ASPM: variants seen among roughly 807,000 people sequenced by gnomAD.
ASPM encodes the protein assembly factor for spindle microtubules, also known as abnormal spindle-like microcephaly-associated protein.
ASPM carries 256 observed loss-of-function variants against 366.4 expected under a neutral mutation model. The ratio of observed to expected loss-of-function variants is 0.70; its 90% CI spans 0.63 to 0.77. ASPM has a LOEUF of 0.77. Ranked by LOEUF, ASPM falls within the 30% of genes least tolerant of loss-of-function variation. The pLI is 0.00. For synonymous variants in ASPM, 1,414 were observed against 1,342.9 expected (o/e 1.05, Z -1.16); for missense variants, 4,146 against 4,090.4 (o/e 1.01, Z -0.37).
intron 16 of ASPM, 88 bp from the exon 17 acceptor site, chr1:197,118,071 A>T: frequency 8.1e-7 from 1 of 1,227,354 alleles, no homozygotes; most frequent in Admixed American, 1.8e-5. Context: ...GTTAAACACC[A>T]ATCAAATTGA....
Position 197,121,625 on chromosome 1 carries a change from G to A in ASPM, c.3870+290C>T, listed in dbSNP as rs147988903. 4.7e-4 allele frequency among the ~76,000 whole-genome samples: 72 copies of A among 152,228 alleles called. No individual in the cohort carries two copies. The East Asian group carries it at 0.013, about 27-fold the overall frequency. On this transcript the variant is annotated intron_variant, in intron 16 of 27. Coordinates refer to ENST00000367409, the MANE Select transcript of ASPM (RefSeq NM_018136.5). ...GGAGGAAAGGAAGAGCTGAGTCAATGTGAGCTATGTATTCCTCACAAATTT... is the reference window on the plus strand; with the variant it reads ...GGAGGAAAGGAAGAGCTGAGTCAATATGAGCTATGTATTCCTCACAAATTT...
At position 197,104,145 on chromosome 1, in the gene ASPM, T is replaced by C. The variant is rs376820619; in HGVS notation, c.5106A>G (p.Arg1702=). The C allele has an allele frequency of 4.3e-6, 7 of 1,612,792 alleles. No homozygotes were observed. The highest frequency in any genetic ancestry group is 5.9e-6 in the Non-Finnish European group (7 of 1,179,374). The part of the protein sequence containing the change: ...KQTRKQYLHL[R]AAALFIQQCY... Reference sequence around the variant, plus strand: ...ATTGCTGGATAAATAGTGCAGCTGCTCTTAAATGCAAATATTGTTTACGTG... The same window carrying C: ...ATTGCTGGATAAATAGTGCAGCTGCCCTTAAATGCAAATATTGTTTACGTG... Residue 1702 remains arginine, a synonymous_variant, in exon 18 of 28, where the codon AGA becomes AGG. Coordinates refer to ENST00000367409, the MANE Select transcript of ASPM (RefSeq NM_018136.5).
At chr1:197,086,697 T>A in intron 27 of ASPM, 106 bp downstream of exon 27, 1 of 959,478 alleles carries the variant, frequency 1.0e-6, no homozygotes, top group Non-Finnish European at 1.7e-6. Flanking sequence ...ATATGTTGTT[T>A]CTCCACTGAA....
In ASPM at chr1:197,103,330, G is replaced by C. The variant is rs1204878021; in HGVS notation, c.5921C>G (p.Ala1974Gly). 1 of 1,613,094 alleles carries C rather than the reference G, an allele frequency of 6.2e-7. No homozygotes were observed. The highest frequency in any genetic ancestry group is 2.2e-5 in the East Asian group (1 of 44,840). ...RRQLQRQHKC[A>G]IIIQSYYRMH... The stretch of plus-strand genomic sequence containing the variant: ...TCTATAGTATGACTGTATGATGATA[G>C]CACATTTATGTTGCCTTTGAAGCTG... The change falls in exon 18 of 28, where the codon GCT (alanine) becomes GGT (glycine). Residue 1974 changes from alanine (A) to glycine (G), a missense_variant. By Grantham distance (60) the Ala-to-Gly change is moderately conservative. Around this residue, in one of 3 missense-constraint regions of ASPM, gnomAD observed 3,624 missense variants for 3,591.7 expected, o/e 1.01. Coordinates refer to ENST00000367409, the MANE Select transcript of ASPM (RefSeq NM_018136.5).
chr1:197,102,398 G>C lies in ASPM; in HGVS notation c.6853C>G (p.Leu2285Val), dbSNP rs543149352. The part of the protein sequence containing the change: ...TLMMRRRFLS[L>V]KKTAILIQRK... ...TGAATCAAAATAGCAGTTTTCTTGA[G>C]AGAGAGGAATCTTCTTCTCATCATT... The change falls in exon 18 of 28, where the codon CTC (leucine) becomes GTC (valine). Residue 2285 changes from leucine to valine, a missense_variant. Physicochemically the swap from Leu to Val is conservative, Grantham distance 32 (BLOSUM62 1). Coordinates refer to ENST00000367409, the MANE Select transcript of ASPM (RefSeq NM_018136.5). 1.2e-6 allele frequency: 2 copies of C among 1,612,678 alleles called. No homozygotes were observed. Among genetic ancestry groups the C allele is most frequent in the African/African-American group, 1.3e-5 (1 of 74,884 alleles).
rs116303796 is a variant in ASPM, at chr1:197,133,044, C to T, written c.2419+306G>A. ...CGCAGGATGAATAAATTCTGGAGAT[C>T]GAATGTACACCATGACGACTATAGT... On this transcript the variant is annotated intron_variant, in intron 6 of 27. Transcript: ENST00000367409. Among the ~76,000 whole-genome samples the T allele has an allele frequency of 9.1e-3, 1,384 of 152,032 alleles. 6 individuals carry two copies. The highest frequency in any genetic ancestry group is 0.014 in the Non-Finnish European group (972 of 67,972).
Position 197,124,909 on chromosome 1 carries a change from T to C in ASPM, c.3129A>G (p.Lys1043=). Residue 1043 remains lysine (K), a synonymous_variant, in exon 12 of 28, where the codon AAA becomes AAG. Transcript: ENST00000367409. ...SKDIVDRHRE[K]TLRLLWKIAF... is the part of the protein sequence containing the mutation. The stretch of plus-strand genomic sequence containing the variant: ...CTATTTTCCAAAGCAACCTGAGAGT[T>C]TTTTCTCTGTGCCTATCCACAATAT... The C allele has an allele frequency of 1.2e-6, 2 of 1,611,936 alleles. No homozygotes were observed. Among genetic ancestry groups the C allele is most frequent in the Non-Finnish European group, 1.7e-6 (2 of 1,178,246 alleles).
intron 12 of ASPM, 73 bp from the exon 13 acceptor site, chr1:197,124,404 G>C (rs750511676): frequency 3.7e-6 from 4 of 1,082,700 alleles, no homozygotes; most frequent in African/African-American, 1.6e-5. Flanking sequence ...AGAAATCAAA[G>C]TAACTGTCTT....
At chr1:197,136,281 C>T (rs534245563) in intron 4 of ASPM, among the ~76,000 whole-genome samples, 55 of 152,094 alleles carry the variant, frequency 3.6e-4, no homozygotes, top group African/African-American at 1.2e-3. Context: ...TAGGCAGTAA[C>T]TATATAAGTA....
Position 197,143,458 on chromosome 1 carries a change from T to C in ASPM, c.794A>G (p.Asn265Ser), listed in dbSNP as rs994787832. The C allele has an allele frequency of 8.7e-6, 14 of 1,614,076 alleles. No homozygotes were observed. Among genetic ancestry groups the C allele is most frequent in the Admixed American group, 1.7e-5 (1 of 60,032 alleles). The stretch of plus-strand genomic sequence containing the variant: ...CTCATTAAAAGAAACTTTTGAAACG[T>C]TGGCACTGTGTACATTTAATAGTTC... ...NRELLNVHSA[N>S]VSKVSFNEKA... Residue 265 changes from asparagine to serine, a missense_variant, in exon 3 of 28, where the codon AAC (asparagine) becomes AGC (serine). Transcript: ENST00000367409.
intron 27 of ASPM, among the ~76,000 whole-genome samples, chr1:197,086,051 A>C (rs1052240529): frequency 1.4e-4 from 21 of 152,184 alleles, no homozygotes; most frequent in African/African-American, 5.1e-4. Context: ...AAGCAAATGA[A>C]CTTTACATTA....
chr1:197,143,124 A>G lies in ASPM; in HGVS notation c.1128T>C (p.Tyr376=), dbSNP rs1658651537. The change falls in exon 3 of 28, where the codon TAT becomes TAC. Residue 376 remains tyrosine, a synonymous_variant. Transcript: ENST00000367409. Reference sequence around the variant, plus strand: ...CTGATTCTAGATCCTGATTTAGTCCATAATTATCTTTTATGAAAGAATCTG... The same window carrying G: ...CTGATTCTAGATCCTGATTTAGTCCGTAATTATCTTTTATGAAAGAATCTG... ...LSPDSFIKDN[Y]GLNQDLESES... 6.2e-7 allele frequency: 1 copy of G among 1,612,898 alleles called. No homozygotes were observed. The highest frequency in any genetic ancestry group is 1.1e-5 in the South Asian group (1 of 90,976).
At position 197,118,065 on chromosome 1, in the gene ASPM, A is replaced by C. The variant is rs1657796043; in HGVS notation, c.3871-82T>G. The C allele has an allele frequency of 2.0e-5, 26 of 1,282,212 alleles. No individual in the cohort carries two copies. The South Asian group carries it at 3.1e-4, about 15-fold the overall frequency. 79.4% of individuals were successfully genotyped at this position (1,282,212 alleles called of 1,614,324 possible). A position where few individuals can be genotyped will look rare whatever the true frequency, so the allele number is the denominator to read the frequency against. ...TTCTTTGTAAGATAACCATATGTTA[A>C]ACACCAATCAAATTGATACTGGAAA... On this transcript the variant is annotated intron_variant, in intron 16 of 27. Transcript: ENST00000367409.
In ASPM at chr1:197,103,949, G is replaced by A. The variant is rs770335356; in HGVS notation, c.5302C>T (p.Arg1768Trp). Residue 1768 changes from arginine (R) to tryptophan (W), a missense_variant, in exon 18 of 28, where the codon CGG becomes TGG. Arg to Trp is a moderately radical substitution (Grantham distance 101). Around this residue, in one of 3 missense-constraint regions of ASPM, gnomAD observed 3,624 missense variants for 3,591.7 expected, o/e 1.01. Transcript: ENST00000367409. ...TTATACATTTTCAGATAATACTGCC[G>A]AGCCTTTCTCATTCTGAAATAAGAC... ...LQSYFRMRKARQYYLKMYKAI... is the reference protein window; with the variant it reads ...LQSYFRMRKAWQYYLKMYKAI... 3.3e-5 allele frequency: 53 copies of A among 1,612,328 alleles called. 1 individual carries two copies. In the Admixed American group the frequency reaches 5.7e-4, roughly 17 times the overall value.
In ASPM at chr1:197,100,428, T is replaced by A. The variant is rs544524366; in HGVS notation, c.8820+3A>T. ...TTTATATTTAAATTAAATATAGAAA[T>A]ACCTGAATTTTTATGGTGCTATTTT... On this transcript the variant is annotated splice_donor_region_variant and intron_variant, in intron 18 of 27. Coordinates refer to ENST00000367409, the MANE Select transcript of ASPM (RefSeq NM_018136.5). The A allele has an allele frequency of 6.7e-7, 1 of 1,487,238 alleles. No homozygotes were observed. The highest frequency in any genetic ancestry group is 2.1e-5 in the Admixed American group (1 of 47,600). The allele number at this position is 1,487,238 out of a possible 1,614,324, so 92.1% of individuals were successfully genotyped here.
chr1:197,090,170 C>CT, intron 24 of ASPM, 26 bp downstream of exon 24: 1 of 1,611,992 alleles, frequency 6.2e-7, no homozygotes, highest in Admixed American at 1.7e-5. Flanking sequence ...TTACATCATT[C>CT]TTTAAACATG....
At chr1:197,134,598 G>A (rs755184870) in intron 5 of ASPM, among the ~76,000 whole-genome samples, 3 of 152,110 alleles carry the variant, frequency 2.0e-5, no homozygotes, top group African/African-American at 7.2e-5. Flanking sequence ...TAATTTCTAA[G>A]CAAGAGCTGC....
chr1:197,141,502 T>C (rs938954994), intron 3 of ASPM, among the ~76,000 whole-genome samples: 6 of 152,208 alleles, frequency 3.9e-5, no homozygotes, highest in African/African-American at 7.2e-5. Flanking sequence ...CTTATTAGAT[T>C]GTAAGGTTCT....
In ASPM at chr1:197,119,702, T is replaced by C. The variant is rs192256306; in HGVS notation, c.3871-1719A>G. Among the ~76,000 whole-genome samples, 19 of 152,214 alleles carry C rather than the reference T, an allele frequency of 1.2e-4. No individual in the cohort carries two copies. In the East Asian group the frequency reaches 2.5e-3, roughly 20 times the overall value. ...TTTCTTTTATCTTGCCTCATATATA[T>C]AGGGCCAAATTCTAGGACTTCTTTT... On this transcript the variant is annotated intron_variant, in intron 16 of 27. Transcript: ENST00000367409.
Sources: gnomAD v4.1 joint callset for allele counts (sites outside exome capture counted in the v4.1 genomes callset) on GRCh38, gnomAD v4.1.1 for gene constraint, gnomAD v4.1.1 regional missense constraint, MANE v1.5 for transcripts, NCBI Gene and HGNC (gene_info 2026-07-23, HGNC 2026-07-21) for gene names.